The following ZFP69B variants were observed in gnomAD, a reference collection of about 807,000 sequenced individuals.
The protein encoded by ZFP69B is ZFP69 zinc finger protein B.
A neutral mutation model predicts 19.7 loss-of-function variants in ZFP69B; 20 were observed. The ratio of observed to expected loss-of-function variants is 1.02; its 90% CI spans 0.71 to 1.48. The LOEUF (loss-of-function observed/expected upper bound fraction) is 1.48. Ranked by LOEUF, ZFP69B falls within the 40% of genes most tolerant of loss-of-function variation. The probability of loss-of-function intolerance (pLI) is 0.00; values close to 1 mark genes in which losing one functional copy is unlikely to be tolerated. For synonymous variants in ZFP69B, 220 were observed against 222.7 expected (o/e 0.99, Z 0.11); for missense variants, 583 against 632.6 (o/e 0.92, Z 0.84).
At chr1:40,461,119 C>T (rs1645280356) in intron 4 of ZFP69B, among the ~76,000 whole-genome samples, 1 of 145,488 alleles carries the variant, frequency 6.9e-6, no homozygotes, top group East Asian at 2.0e-4. Context: ...CCACTCCAGC[C>T]TGGGTGACAC....
chr1:40,461,846 G>A (rs1423509649), intron 4 of ZFP69B, among the ~76,000 whole-genome samples: 2 of 152,056 alleles, frequency 1.3e-5, no homozygotes, highest in African/African-American at 4.8e-5. Flanking sequence ...TGCTCTTATT[G>A]TCTTATTAGT....
chr1:40,463,093 A>C lies in ZFP69B; in HGVS notation c.1109A>C (p.Lys370Thr). The change falls in exon 5 of 5, where the codon AAA (lysine) becomes ACA (threonine). Residue 370 changes from lysine to threonine, a missense_variant. By Grantham distance (78) the Lys-to-Thr change is moderately conservative (BLOSUM62 -1). Transcript: ENST00000361584. ...CCCTATGAATGTAGGGTATGTGAGA[A>C]AGCCTTCAGCCAGAGCATTGGACTG... ...EKPYECRVCEKAFSQSIGLIQ... is the reference protein window; with the variant it reads ...EKPYECRVCETAFSQSIGLIQ... The C allele has an allele frequency of 6.2e-7, 1 of 1,614,202 alleles. No homozygotes were observed. Among genetic ancestry groups the C allele is most frequent in the Non-Finnish European group, 8.5e-7 (1 of 1,180,038 alleles).
Position 40,463,684 on chromosome 1 carries a change from A to G in ZFP69B, c.*95A>G. On this transcript the variant is annotated 3_prime_UTR_variant, in exon 5 of 5. Coordinates refer to ENST00000361584, the MANE Select transcript of ZFP69B (RefSeq NM_023070.3). ...AAAATCCATTTGTTTTTGGATTTCC[A>G]AAAACGAACATTAAAAAAAAATGGT... The G allele has an allele frequency of 1.7e-6, 2 of 1,195,292 alleles. No individual in the cohort carries two copies. The highest frequency in any genetic ancestry group is 3.4e-5 in the South Asian group (2 of 58,534). The allele number at this position is 1,195,292 out of a possible 1,614,324, so 74.0% of individuals were successfully genotyped here.
chr1:40,460,842 A>G (rs570818012), intron 4 of ZFP69B, among the ~76,000 whole-genome samples: 3 of 152,024 alleles, frequency 2.0e-5, no homozygotes, highest in East Asian at 3.9e-4. Flanking sequence ...GTAGCTGGGC[A>G]TGGTGGCGCA....
intron 2 of ZFP69B, among the ~76,000 whole-genome samples, chr1:40,456,220 C>T (rs934732134): frequency 6.6e-6 from 1 of 152,206 alleles, no homozygotes; most frequent in African/African-American, 2.4e-5. Flanking sequence ...TACACTCCCA[C>T]CAACAGTGTA....
intron 4 of ZFP69B, among the ~76,000 whole-genome samples, chr1:40,462,077 T>A (rs1236454556): frequency 6.6e-6 from 1 of 151,770 alleles, no homozygotes; most frequent in Non-Finnish European, 1.5e-5. Flanking sequence ...TTTGTTTGTT[T>A]GTTTGTTTGT....
chr1:40,461,743 C>T (rs1339068359), intron 4 of ZFP69B, among the ~76,000 whole-genome samples: 3 of 151,980 alleles, frequency 2.0e-5, no homozygotes, highest in East Asian at 1.9e-4. Context: ...TGCAGTGAGC[C>T]GTGATCATGC....
chr1:40,452,325 C>T (rs1645194018), intron 1 of ZFP69B, among the ~76,000 whole-genome samples: 1 of 152,160 alleles, frequency 6.6e-6, no homozygotes, highest in Non-Finnish European at 1.5e-5. Flanking sequence ...TCAAATGTCT[C>T]AGTAATGGGA....
chr1:40,450,127 C>G (rs1187689214), upstream of ZFP69B: 1 of 152,316 alleles, frequency 6.6e-6, no homozygotes, highest in Non-Finnish European at 1.5e-5. Flanking sequence ...TGCCGGAACC[C>G]GGCTGCAGCG....
chr1:40,450,262 C>G (rs538971077), upstream of ZFP69B: 1,129 of 152,402 alleles, frequency 7.4e-3, 8 homozygotes, highest in Non-Finnish European at 0.012. Context: ...GCGCGCGGTG[C>G]TCTCCGCAGC....
intron 4 of ZFP69B, among the ~76,000 whole-genome samples, chr1:40,459,250 T>C (rs1041379380): frequency 1.3e-5 from 2 of 152,202 alleles, no homozygotes; most frequent in East Asian, 3.8e-4. Context: ...GTTTCAAATA[T>C]TCCTTCCCTG....
Position 40,454,260 on chromosome 1 carries a change from C to A in ZFP69B, c.185C>A (p.Thr62Asn), listed in dbSNP as rs779865480. ...GGCGAAAGTTTAGAGAGTAGAGTGA[C>A]CCTTGGATCCCTGACAGCAGAATCC... ...TQGESLESRV[T>N]LGSLTAESQE... Residue 62 changes from threonine (T) to asparagine (N), a missense_variant, in exon 2 of 5, where the codon ACC becomes AAC. By Grantham distance (65) the Thr-to-Asn change is moderately conservative (BLOSUM62 0). Coordinates refer to ENST00000361584, the MANE Select transcript of ZFP69B (RefSeq NM_023070.3). 1.3e-5 allele frequency: 21 copies of A among 1,598,098 alleles called. No individual in the cohort carries two copies. Among genetic ancestry groups the A allele is most frequent in the East Asian group, 2.2e-5 (1 of 44,480 alleles).
intron 1 of ZFP69B, 78 bp downstream of exon 1, chr1:40,451,166 A>G: frequency 7.1e-7 from 1 of 1,413,412 alleles, no homozygotes; most frequent in South Asian, 1.5e-5. Flanking sequence ...CTTGAGTGGA[A>G]GCATCTCTTA....
intron 3 of ZFP69B, 82 bp downstream of exon 3, chr1:40,457,153 T>A (rs1299707574): frequency 1.9e-6 from 3 of 1,578,142 alleles, no homozygotes; most frequent in Non-Finnish European, 2.6e-6. Context: ...TTGTTTGGGC[T>A]TTCGGTTCTG....
Position 40,462,902 on chromosome 1 carries a change from T to C in ZFP69B, c.918T>C (p.Pro306=). ...EHMRIHTGEK[P]FRCKECGKAF... Reference sequence around the variant, plus strand: ...TGAGAATTCATACCGGGGAGAAACCTTTCAGATGTAAGGAATGTGGAAAAG... The same window carrying C: ...TGAGAATTCATACCGGGGAGAAACCCTTCAGATGTAAGGAATGTGGAAAAG... Residue 306 remains proline, a synonymous_variant, in exon 5 of 5, where the codon CCT becomes CCC. Transcript: ENST00000361584. The C allele has an allele frequency of 6.2e-7, 1 of 1,614,146 alleles. No individual in the cohort carries two copies. Among genetic ancestry groups the C allele is most frequent in the Non-Finnish European group, 8.5e-7 (1 of 1,180,024 alleles).
intron 1 of ZFP69B, among the ~76,000 whole-genome samples, chr1:40,451,656 G>C (rs997824907): frequency 8.9e-5 from 13 of 145,528 alleles, no homozygotes; most frequent in Admixed American, 2.7e-4. Context: ...AAAGACGTGG[G>C]GGGGGGGGAA....
chr1:40,456,086 T>A (rs1433304564), intron 2 of ZFP69B, among the ~76,000 whole-genome samples: 1 of 152,206 alleles, frequency 6.6e-6, no homozygotes, highest in Middle Eastern at 3.2e-3. Flanking sequence ...TGTGTCTTTA[T>A]AATAGAATGA....
At chr1:40,458,512 G>GTTTTTTTTTTTTT (rs11343581) in intron 4 of ZFP69B, among the ~76,000 whole-genome samples, 2 of 139,190 alleles carry the variant, frequency 1.4e-5, no homozygotes, top group Non-Finnish European at 1.6e-5. Context: ...TGGAGAAATT[G>GTTTTTTTTTTTTT]TTTTTTTTTT....
intron 1 of ZFP69B, among the ~76,000 whole-genome samples, chr1:40,452,919 A>AT (rs755998906): frequency 1.6e-4 from 25 of 152,054 alleles, no homozygotes; most frequent in Non-Finnish European, 2.8e-4. Context: ...AATATTCATG[A>AT]TAAAAAGTTG....
Sources: gnomAD v4.1 joint callset for allele counts (sites outside exome capture counted in the v4.1 genomes callset) on GRCh38, gnomAD v4.1.1 for gene constraint, MANE v1.5 for transcripts, NCBI Gene and HGNC (gene_info 2026-07-23, HGNC 2026-07-21) for gene names.